The following TENM2 variants were observed in gnomAD, a reference collection of about 807,000 sequenced individuals.
The protein encoded by TENM2 is teneurin-2.
In TENM2, 52 loss-of-function variants were observed where a neutral mutation model predicts 245.2. The observed-to-expected ratio is 0.21, with a 90% CI of 0.17 to 0.27. The LOEUF (loss-of-function observed/expected upper bound fraction) is 0.27. TENM2 is among the 10% of genes least tolerant of loss of function. The probability of loss-of-function intolerance (pLI) is 1.00; values close to 1 mark genes in which losing one functional copy is unlikely to be tolerated. For missense variants in TENM2, 3,046 were observed against 3,666.8 expected, an observed-to-expected ratio of 0.83 and a Z score of 4.37; for synonymous variants, 1,363 against 1,438.9, an observed-to-expected ratio of 0.95 and a Z score of 1.19.
rs564325680 is a variant in TENM2, at chr5:168,216,710, C to G, written c.4079-58C>G. The stretch of plus-strand genomic sequence containing the variant: ...CAGCAAGGCATCTCATCTCCCACCT[C>G]CACCCCGCAATCCTACACCTTTCCA... On this transcript the variant is annotated intron_variant, in intron 21 of 28. Coordinates refer to ENST00000518659, the Ensembl canonical transcript of TENM2. 539 of 1,584,508 alleles carry G rather than the reference C, an allele frequency of 3.4e-4. 8 individuals are homozygous for G. In the South Asian group the frequency reaches 5.7e-3, roughly 17 times the overall value.
intron 12 of TENM2, among the ~76,000 whole-genome samples, chr5:168,136,814 C>T (rs1021429296): frequency 1.3e-5 from 2 of 152,270 alleles, no homozygotes; most frequent in Non-Finnish European, 2.9e-5. Context: ...AGTCAGGACC[C>T]CTACCATTTA....
intron 1 of TENM2, among the ~76,000 whole-genome samples, chr5:167,356,187 C>CAAAA (rs58804392): frequency 1.6e-4 from 12 of 74,014 alleles, no homozygotes; most frequent in East Asian, 7.6e-4. Context: ...GACTCCATCT[C>CAAAA]AAAAAAAAAA....
At chr5:167,144,756 G>A in the TENM2 span, among the ~76,000 whole-genome samples, 1 of 152,296 alleles carries the variant, frequency 6.6e-6, no homozygotes. Flanking sequence ...AGAGCTGTCC[G>A]TGTGCTGTGA....
At chr5:167,393,514 C>T (rs941917478) in intron 2 of TENM2, among the ~76,000 whole-genome samples, 1 of 152,102 alleles carries the variant, frequency 6.6e-6, no homozygotes, top group Middle Eastern at 3.2e-3. Context: ...CAGGCACACT[C>T]CTGCTGTATT....
chr5:168,219,054 T>G, intron 23 of TENM2, 55 bp downstream of exon 25: 1 of 1,548,516 alleles, frequency 6.5e-7, no homozygotes, highest in South Asian at 1.2e-5. Flanking sequence ...CTAGCTGGCA[T>G]TAGGACTGGG....
intron 1 of TENM2, among the ~76,000 whole-genome samples, chr5:167,285,583 T>A (rs1311872734): frequency 6.6e-6 from 1 of 152,214 alleles, no homozygotes; most frequent in Non-Finnish European, 1.5e-5. Flanking sequence ...GGGAGGAGAA[T>A]ATTTTTCTCC....
intron 2 of TENM2, among the ~76,000 whole-genome samples, chr5:167,663,204 G>A (rs1325165062): frequency 6.6e-6 from 1 of 150,700 alleles, no homozygotes; most frequent in Non-Finnish European, 1.5e-5. Flanking sequence ...GAGAATGAAT[G>A]CCTGGGCTCC....
chr5:167,237,535 A>G, the TENM2 span, among the ~76,000 whole-genome samples: 2 of 95,248 alleles, frequency 2.1e-5, no homozygotes, highest in African/African-American at 5.5e-5. Context: ...ATATGAAACA[A>G]TGATGTTTAA....
At chr5:167,154,672 A>G in the TENM2 span, among the ~76,000 whole-genome samples, 6 of 152,168 alleles carry the variant, frequency 3.9e-5, no homozygotes, top group African/African-American at 4.8e-5. Flanking sequence ...ATCATGTTCA[A>G]TCTAGGCCTG....
chr5:167,314,541 A>C (rs951389428), intron 1 of TENM2, among the ~76,000 whole-genome samples: 9 of 152,158 alleles, frequency 5.9e-5, no homozygotes, highest in Non-Finnish European at 8.8e-5. Context: ...AAATATGCTT[A>C]ATATGTGATT....
chr5:167,042,177 T>C, the TENM2 span, among the ~76,000 whole-genome samples: 1 of 152,238 alleles, frequency 6.6e-6, no homozygotes, highest in Non-Finnish European at 1.5e-5. Context: ...TTAATATTTT[T>C]GACATTAACA....
At chr5:167,872,538 A>AAG (rs1201255771) in intron 2 of TENM2, among the ~76,000 whole-genome samples, 27 of 48,526 alleles carry the variant, frequency 5.6e-4, no homozygotes, top group Admixed American at 1.8e-3. Context: ...GAAAGAAAGA[A>AAG]AGAAAGAAAG....
chr5:167,425,785 A>C (rs1763778687), intron 2 of TENM2, among the ~76,000 whole-genome samples: 1 of 152,232 alleles, frequency 6.6e-6, no homozygotes, highest in South Asian at 2.1e-4. Context: ...GATGGTGAAG[A>C]TGATGACACC....
At chr5:167,337,737 TTCAAAGTAGTGGGGTGATG>T in intron 1 of TENM2, among the ~76,000 whole-genome samples, 1 of 152,222 alleles carries the variant, frequency 6.6e-6, no homozygotes, top group African/African-American at 2.4e-5. Context: ...AGGTAGATAG[TTCAAAGTAGTGGGGTGATG>T]TCAAGGAGTG....
chr5:167,233,015 G>C, the TENM2 span, among the ~76,000 whole-genome samples: 1 of 142,162 alleles, frequency 7.0e-6, no homozygotes, highest in South Asian at 2.2e-4. Flanking sequence ...TACTTGGACA[G>C]ACAGGACATG....
the TENM2 span, among the ~76,000 whole-genome samples, chr5:167,127,310 T>A: frequency 6.6e-6 from 1 of 152,188 alleles, no homozygotes; most frequent in Admixed American, 6.5e-5. Context: ...TAGACGCAGC[T>A]TTCCCAACAC....
chr5:167,924,271 G>A (rs902713392), intron 3 of TENM2, among the ~76,000 whole-genome samples: 1 of 152,208 alleles, frequency 6.6e-6, no homozygotes, highest in African/African-American at 2.4e-5. Flanking sequence ...CACGCAAAGT[G>A]CTCTTGCTGA....
At chr5:167,936,928 T>TG (rs1277398820) in intron 3 of TENM2, among the ~76,000 whole-genome samples, 3 of 152,250 alleles carry the variant, frequency 2.0e-5, no homozygotes, top group African/African-American at 7.2e-5. Context: ...TCATTCAGCA[T>TG]GGTACCTTTG....
rs367833536 is a variant in TENM2, at chr5:168,190,406, G to A, written c.2639G>A (p.Arg880Gln). The A allele has an allele frequency of 2.1e-5, 34 of 1,613,828 alleles. No homozygotes were observed. In the East Asian group the frequency reaches 4.2e-4, roughly 20 times the overall value. ...GCCTGTCAGAACAGCCTGCTCTGCC[G>A]GGGGTCCCGGGACCCACTGGACATC... Residue 880 changes from arginine to glutamine, a missense_variant, in exon 14 of 29, where the codon CGG (arginine) becomes CAG (glutamine). Transcript: ENST00000518659.
Sources: allele counts gnomAD v4.1 joint callset (sites outside exome capture counted in the v4.1 genomes callset), GRCh38; gene constraint gnomAD v4.1.1; transcripts MANE v1.5; gene names NCBI Gene and HGNC (gene_info 2026-07-23, HGNC 2026-07-21).